EBF1: variants seen among roughly 807,000 people sequenced by gnomAD.
EBF1 encodes the protein transcription factor COE1.
Under a neutral mutation model 68.4 loss-of-function variants are expected in EBF1, and 10 were observed. That is an observed-to-expected ratio of 0.15 (90% CI 0.09 to 0.25). The LOEUF (loss-of-function observed/expected upper bound fraction) is 0.25. Ranked by LOEUF, EBF1 falls within the 10% of genes least tolerant of loss-of-function variation. The pLI is 1.00. For synonymous variants in EBF1, 298 were observed against 299.8 expected (o/e 0.99, Z 0.06); for missense variants, 509 against 794.4 (o/e 0.64, Z 4.32).
Position 159,099,420 on chromosome 5 carries a change from A to G in EBF1, c.59T>C (p.Leu20Pro). The change falls in exon 1 of 16, where the codon CTG becomes CCG. Residue 20 changes from leucine to proline, a missense_variant. By Grantham distance (98) the Leu-to-Pro change is moderately conservative (BLOSUM62 -3). Transcript: ENST00000313708. ...CCGCACCGCGTTCATGCCGCTGCCC[A>G]GCGGCTCTTCCTTCATGCTGCTTCC... ...RSGSSMKEEP[L>P]GSGMNAVRTW... The G allele has an allele frequency of 6.2e-7, 1 of 1,602,228 alleles. No individual in the cohort carries two copies. The highest frequency in any genetic ancestry group is 1.7e-5 in the Admixed American group (1 of 58,898).
intron 6 of EBF1, among the ~76,000 whole-genome samples, chr5:159,031,787 G>T (rs1021848617): frequency 6.6e-6 from 1 of 152,156 alleles, no homozygotes; most frequent in Non-Finnish European, 1.5e-5. Flanking sequence ...GCTGGCAGAA[G>T]TCTCTGTTTC....
intron 6 of EBF1, among the ~76,000 whole-genome samples, chr5:159,052,227 A>G (rs1167970153): frequency 6.6e-6 from 1 of 152,064 alleles, no homozygotes; most frequent in Non-Finnish European, 1.5e-5. Context: ...AAGACATTGT[A>G]TGCCACGTAG....
intron 9 of EBF1, among the ~76,000 whole-genome samples, chr5:158,793,588 T>C (rs550572568): frequency 6.6e-6 from 1 of 152,314 alleles, no homozygotes; most frequent in Non-Finnish European, 1.5e-5. Context: ...AAAAATATGG[T>C]ATAGTTCAAA....
At chr5:158,907,164 C>T (rs1330255398) in intron 6 of EBF1, among the ~76,000 whole-genome samples, 1 of 152,148 alleles carries the variant, frequency 6.6e-6, no homozygotes, top group East Asian at 1.9e-4. Flanking sequence ...AAACAGACAT[C>T]ATCTCTGCCT....
At chr5:158,838,568 CTT>C (rs1268952367) in intron 7 of EBF1, among the ~76,000 whole-genome samples, 1 of 151,882 alleles carries the variant, frequency 6.6e-6, no homozygotes, top group East Asian at 1.9e-4. Flanking sequence ...GGAGAGATTA[CTT>C]TTTTCTACCG....
chr5:158,792,685 A>G (rs898223776), intron 9 of EBF1, among the ~76,000 whole-genome samples: 1 of 152,202 alleles, frequency 6.6e-6, no homozygotes, highest in Non-Finnish European at 1.5e-5. Flanking sequence ...CCTCAAGATC[A>G]TGTGGTCTGG....
chr5:158,723,076 C>T (rs963440354), intron 11 of EBF1, among the ~76,000 whole-genome samples: 64 of 152,270 alleles, frequency 4.2e-4, no homozygotes, highest in African/African-American at 1.5e-3. Flanking sequence ...TATTGGATAA[C>T]GGTTACTGCA....
intron 6 of EBF1, among the ~76,000 whole-genome samples, chr5:158,913,800 T>C (rs1168241135): frequency 6.6e-6 from 1 of 152,214 alleles, no homozygotes; most frequent in Non-Finnish European, 1.5e-5. Context: ...AGCGCGAGTA[T>C]TATACCAACA....
intron 6 of EBF1, among the ~76,000 whole-genome samples, chr5:158,888,712 G>C (rs556208800): frequency 6.6e-6 from 1 of 151,934 alleles, no homozygotes; most frequent in Admixed American, 6.6e-5. Context: ...TTTGTGTCTC[G>C]ATATGAATTT....
At chr5:158,749,245 T>G (rs1385988414) in intron 10 of EBF1, among the ~76,000 whole-genome samples, 1 of 152,198 alleles carries the variant, frequency 6.6e-6, no homozygotes, top group Non-Finnish European at 1.5e-5. Context: ...TTTAAGTTCT[T>G]TCTGAATTTG....
At chr5:158,930,001 G>A (rs1363298710) in intron 6 of EBF1, among the ~76,000 whole-genome samples, 1 of 152,196 alleles carries the variant, frequency 6.6e-6, no homozygotes, top group African/African-American at 2.4e-5. Flanking sequence ...CACTAATGAG[G>A]TCGTTGAAAA....
rs1406779492 is a variant in EBF1 at position 158,697,966 on chromosome 5, C to T, written c.*1145G>A. Reference sequence around the variant, plus strand: ...AACCTTCTTTTCCTTTCTCCACCCCCGGTTCCCTTTAACTCTTAATTCCAA... The same window carrying T: ...AACCTTCTTTTCCTTTCTCCACCCCTGGTTCCCTTTAACTCTTAATTCCAA... On this transcript the variant is annotated 3_prime_UTR_variant, in exon 16 of 16. Transcript: ENST00000313708. 2 of 210,578 alleles carry T rather than the reference C, an allele frequency of 9.5e-6. No homozygotes were observed. The highest frequency in any genetic ancestry group is 7.1e-5 in the East Asian group (1 of 14,032). 13.0% of individuals were successfully genotyped at this position (210,578 alleles called of 1,614,324 possible). A position where few individuals can be genotyped will look rare whatever the true frequency, so the allele number is the denominator to read the frequency against.
chr5:158,704,460 T>G (rs1757433410), intron 15 of EBF1, among the ~76,000 whole-genome samples: 1 of 152,184 alleles, frequency 6.6e-6, no homozygotes, highest in Non-Finnish European at 1.5e-5. Flanking sequence ...ATGGGCAATT[T>G]GCTTAACCAA....
At chr5:158,873,751 C>T (rs1364871697) in intron 6 of EBF1, among the ~76,000 whole-genome samples, 2 of 152,184 alleles carry the variant, frequency 1.3e-5, no homozygotes, top group East Asian at 1.9e-4. Context: ...ACTTTGGCCT[C>T]ATCAGGAAAA....
At chr5:158,725,109 C>T (rs544762040) in intron 11 of EBF1, among the ~76,000 whole-genome samples, 5 of 152,290 alleles carry the variant, frequency 3.3e-5, no homozygotes, top group Admixed American at 1.3e-4. Flanking sequence ...CTGAGATTTT[C>T]GAATGCCAGT....
At chr5:158,877,471 G>C (rs967462564) in intron 6 of EBF1, among the ~76,000 whole-genome samples, 2 of 152,132 alleles carry the variant, frequency 1.3e-5, no homozygotes, top group Admixed American at 1.3e-4. Flanking sequence ...CCATGAGTTT[G>C]ATTTTCTTCA....
At chr5:158,743,543 T>C (rs1458489899) in intron 10 of EBF1, among the ~76,000 whole-genome samples, 2 of 152,152 alleles carry the variant, frequency 1.3e-5, no homozygotes, top group Non-Finnish European at 2.9e-5. Context: ...AAAATGAAGG[T>C]TGGCTCTTAA....
chr5:159,096,429 G>A, intron 2 of EBF1, 23 bp from the exon 3 acceptor site: 1 of 1,611,494 alleles, frequency 6.2e-7, no homozygotes, highest in Non-Finnish European at 8.5e-7. Context: ...AGGACGCAAA[G>A]ACACAAGAGA....
At chr5:158,739,258 TGCCCTGGAGG>T (rs1765811144) in intron 10 of EBF1, among the ~76,000 whole-genome samples, 1 of 152,234 alleles carries the variant, frequency 6.6e-6, no homozygotes, top group African/African-American at 2.4e-5. Flanking sequence ...ACCCCTTTCT[TGCCCTGGAGG>T]GCTATACTGT....
Sources: allele counts gnomAD v4.1 joint callset (sites outside exome capture counted in the v4.1 genomes callset), GRCh38; gene constraint gnomAD v4.1.1; transcripts MANE v1.5; gene names NCBI Gene and HGNC (gene_info 2026-07-23, HGNC 2026-07-21).